AGXT: variants seen among roughly 807,000 people sequenced by gnomAD.
AGXT encodes alanine--glyoxylate aminotransferase.
A neutral mutation model predicts 46.9 loss-of-function variants in AGXT; 41 were observed. The observed-to-expected ratio is 0.88, with a 90% CI of 0.68 to 1.14. AGXT has a LOEUF of 1.14. AGXT is among the 50% of genes most tolerant of loss of function. AGXT has a pLI of 0.00. For missense variants in AGXT, 525 were observed against 522.7 expected, an observed-to-expected ratio of 1.00 and a Z score of -0.04; for synonymous variants, 244 against 227.9, an observed-to-expected ratio of 1.07 and a Z score of -0.64.
In AGXT at chr2:240,876,018, A is replaced by C; in HGVS notation, c.846+14A>C. 6.2e-7 allele frequency: 1 copy of C among 1,613,448 alleles called. No individual in the cohort carries two copies. The highest frequency in any genetic ancestry group is 8.5e-7 in the Non-Finnish European group (1 of 1,179,594). On this transcript the variant is annotated intron_variant, in intron 8 of 10. Coordinates refer to ENST00000307503, the MANE Select transcript of AGXT (RefSeq NM_000030.3). ...ATTGCGGAACAGGTGCATGGGCTGCACTCCACAGGAGGAGACAGGGCCACT... is the reference window on the plus strand; with the variant it reads ...ATTGCGGAACAGGTGCATGGGCTGCCCTCCACAGGAGGAGACAGGGCCACT...
chr2:240,871,336 C>G lies in AGXT; in HGVS notation c.424-13C>G. On this transcript the variant is annotated splice_polypyrimidine_tract_variant and intron_variant, in intron 3 of 10. Coordinates refer to ENST00000307503, the MANE Select transcript of AGXT (RefSeq NM_000030.3). ...CCTCTGAGCTCCACCCACAGCCGTC[C>G]CTGCTTCCTCAGGGCCTGGCCCAGC... 6.4e-7 allele frequency: 1 copy of G among 1,566,488 alleles called. No homozygotes were observed. The highest frequency in any genetic ancestry group is 8.6e-7 in the Non-Finnish European group (1 of 1,156,330).
chr2:240,873,162 T>C, intron 5 of AGXT, 113 bp downstream of exon 5: 1 of 902,098 alleles, frequency 1.1e-6, no homozygotes, highest in Admixed American at 1.9e-5. Context: ...TTCGGCCCCA[T>C]CTCCACCAGG....
At chr2:240,873,726 G>A (rs1032166394) in intron 5 of AGXT, among the ~76,000 whole-genome samples, 1 of 152,142 alleles carries the variant, frequency 6.6e-6, no homozygotes, top group Admixed American at 6.5e-5. Flanking sequence ...TGCCTGGGGT[G>A]GCAGGGCTGT....
At chr2:240,869,986 A>G (rs1221097152) in intron 2 of AGXT, among the ~76,000 whole-genome samples, 1 of 152,166 alleles carries the variant, frequency 6.6e-6, no homozygotes, top group Admixed American at 6.5e-5. Context: ...CAAGTCCACA[A>G]ACTTTTCAAG....
intron 9 of AGXT, 56 bp downstream of exon 9, chr2:240,877,688 T>G (rs780588040): frequency 1.5e-5 from 23 of 1,515,438 alleles, no homozygotes; most frequent in African/African-American, 2.8e-5. Context: ...GATGAGGGGC[T>G]CTTGCCCAGC....
chr2:240,875,306 T>C, intron 7 of AGXT, 102 bp downstream of exon 7: 1 of 1,022,840 alleles, frequency 9.8e-7, no homozygotes, highest in Non-Finnish European at 1.5e-6. Context: ...GCCCCCCACC[T>C]TCATGCCTCA....
chr2:240,878,938 ACCCAG>A lies in AGXT; in HGVS notation c.*121_*125del, dbSNP rs1157980767. On this transcript the variant is annotated 3_prime_UTR_variant, in exon 11 of 11. Transcript: ENST00000307503. ...AGGCCTGGGGACAGGAAAGCCACTG[ACCCAG>A]CCCGGGAGGCAGAACCAGGCAGCCT... The A allele has an allele frequency of 1.8e-6, 2 of 1,113,128 alleles. No individual in the cohort carries two copies. The highest frequency in any genetic ancestry group is 3.1e-5 in the African/African-American group (2 of 64,584). 69.0% of individuals were successfully genotyped at this position (1,113,128 alleles called of 1,614,324 possible).
chr2:240,869,127 G>A (rs761784676), intron 1 of AGXT, 43 bp from the exon 2 acceptor site: 32 of 1,263,248 alleles, frequency 2.5e-5, no homozygotes, highest in Admixed American at 5.7e-5. Flanking sequence ...CTCACTTGGG[G>A]AGGCGGGGAG....
rs541867382 is a variant in AGXT at position 240,873,808 on chromosome 2, A to G, written c.596-170A>G. On this transcript the variant is annotated intron_variant, in intron 5 of 10. Coordinates refer to ENST00000307503, the MANE Select transcript of AGXT (RefSeq NM_000030.3). ...AGGCCTGAGGTCATGGCTGCCACGCAGCAGTGCCCAGATTTGAACCCAGGA... is the reference window on the plus strand; with the variant it reads ...AGGCCTGAGGTCATGGCTGCCACGCGGCAGTGCCCAGATTTGAACCCAGGA... 6.9e-4 allele frequency among the ~76,000 whole-genome samples: 105 copies of G among 152,326 alleles called. 2 individuals are homozygous for G. Among genetic ancestry groups the G allele is most frequent in the Admixed American group, 4.7e-3 (72 of 15,306 alleles).
chr2:240,878,193 C>T (rs781175092), intron 10 of AGXT, 43 bp downstream of exon 10: 17 of 1,608,224 alleles, frequency 1.1e-5, no homozygotes, highest in African/African-American at 5.3e-5. Flanking sequence ...AAACCAAACC[C>T]GCCACCCCTC....
intron 3 of AGXT, 75 bp downstream of exon 3, chr2:240,870,783 T>C (rs946054636): frequency 7.0e-7 from 1 of 1,427,962 alleles, no homozygotes; most frequent in South Asian, 1.2e-5. Context: ...CTGCCTGGAA[T>C]TGGCCAGCCA....
rs4675877 is a variant in AGXT at position 240,879,272 on chromosome 2, T to A, written c.*451T>A. 4,286 of 233,306 alleles carry A rather than the reference T, an allele frequency of 0.018. 358 individuals are homozygous for A. In the East Asian group the frequency reaches 0.25, roughly 14 times the overall value. The allele number at this position is 233,306 out of a possible 1,614,324, so 14.5% of individuals were successfully genotyped here. A position where few individuals can be genotyped will look rare whatever the true frequency, so the allele number is the denominator to read the frequency against. ...GCTGTCACCACACTCTAGCCCCAGA[T>A]GTCACACCCCCAAACGTCCTCACGC... On this transcript the variant is annotated 3_prime_UTR_variant, in exon 11 of 11. Coordinates refer to ENST00000307503, the MANE Select transcript of AGXT (RefSeq NM_000030.3).
chr2:240,876,094 A>G, intron 8 of AGXT, 90 bp downstream of exon 8: 1 of 1,460,116 alleles, frequency 6.8e-7, no homozygotes, highest in Non-Finnish European at 9.5e-7. Flanking sequence ...TCCCTGGTGC[A>G]CAGAGAAAAG....
intron 1 of AGXT, 21 bp from the exon 2 acceptor site, chr2:240,869,149 C>T (rs781751630): frequency 2.3e-4 from 370 of 1,613,634 alleles, no homozygotes; most frequent in Middle Eastern, 1.3e-3. Context: ...CTGGGTCTCA[C>T]CCTATACCAC....
Position 240,878,955 on chromosome 2 carries a change from G to A in AGXT, c.*134G>A. On this transcript the variant is annotated 3_prime_UTR_variant, in exon 11 of 11. Coordinates refer to ENST00000307503, the MANE Select transcript of AGXT (RefSeq NM_000030.3). ...AGCCACTGACCCAGCCCGGGAGGCA[G>A]AACCAGGCAGCCTCCCTGGCCCCAG... 2 of 907,726 alleles carry A rather than the reference G, an allele frequency of 2.2e-6. No homozygotes were observed. The highest frequency in any genetic ancestry group is 3.5e-6 in the Non-Finnish European group (2 of 577,930). The allele number at this position is 907,726 out of a possible 1,614,324, so 56.2% of individuals were successfully genotyped here.
chr2:240,878,835 A>AG lies in AGXT; in HGVS notation c.*14_*15insG. On this transcript the variant is annotated 3_prime_UTR_variant, in exon 11 of 11. Coordinates refer to ENST00000307503, the MANE Select transcript of AGXT (RefSeq NM_000030.3). ...AAGAAGCTGTGACCTGCCCACTGGC[A>AG]CACAGCTGGCACTGGCACACACCTG... The AG allele has an allele frequency of 6.4e-7, 1 of 1,571,592 alleles. No individual in the cohort carries two copies. The highest frequency in any genetic ancestry group is 8.6e-7 in the Non-Finnish European group (1 of 1,160,298).
chr2:240,876,391 C>T (rs868191871), intron 8 of AGXT, among the ~76,000 whole-genome samples: 2 of 152,318 alleles, frequency 1.3e-5, no homozygotes, highest in African/African-American at 2.4e-5. Flanking sequence ...TTGTCCAGCT[C>T]CTATGGCAGG....
chr2:240,875,913 C>T, intron 7 of AGXT, 22 bp from the exon 8 acceptor site: 1 of 1,614,024 alleles, frequency 6.2e-7, no homozygotes, highest in South Asian at 1.1e-5. Context: ...GGTGCTGGAC[C>T]AAGCCCCCTC....
intron 5 of AGXT, 86 bp from the exon 6 acceptor site, chr2:240,873,892 C>T: frequency 8.2e-7 from 1 of 1,215,124 alleles, no homozygotes; most frequent in Non-Finnish European, 1.2e-6. Context: ...CGTAGCCTAC[C>T]AGCCCATTAG....
Sources: gnomAD v4.1 joint callset for allele counts (sites outside exome capture counted in the v4.1 genomes callset) on GRCh38, gnomAD v4.1.1 for gene constraint, MANE v1.5 for transcripts, NCBI Gene and HGNC (gene_info 2026-07-23, HGNC 2026-07-21) for gene names.